Variants in UBN1 observed in about 807,000 individuals in gnomAD.
UBN1 encodes ubinuclein 1, also known as ubinuclein-1.
A neutral mutation model predicts 108.5 loss-of-function variants in UBN1; 17 were observed. That is an observed-to-expected ratio of 0.16 (90% CI 0.11 to 0.24). UBN1 has a LOEUF of 0.24. Among genes scored for constraint, UBN1 ranks in the 10% least tolerant of loss-of-function variants. The pLI, the probability that UBN1 is intolerant of heterozygous loss-of-function variation, is 1.00. For missense variants in UBN1, 1,595 were observed against 1,394.4 expected (o/e 1.14, Z -2.29); for synonymous variants, 726 against 564.2 (o/e 1.29, Z -4.07).
chr16:4,873,727 C>T (rs1043774689), intron 14 of UBN1, among the ~76,000 whole-genome samples: 1 of 152,118 alleles, frequency 6.6e-6, no homozygotes, highest in Admixed American at 6.6e-5. Context: ...AGGATTAGAC[C>T]CCATTCCTGT....
At chr16:4,867,243 G>T (rs141701127) in intron 7 of UBN1, among the ~76,000 whole-genome samples, 1 of 152,268 alleles carries the variant, frequency 6.6e-6, no homozygotes, top group East Asian at 1.9e-4. Context: ...CAGTGGGTCT[G>T]GTGTAAGTTG....
rs771941956 is a variant in UBN1 at position 4,875,428 on chromosome 16, C to T, written c.3018C>T (p.Ser1006=). 6.2e-7 allele frequency: 1 copy of T among 1,607,980 alleles called. No individual in the cohort carries two copies. Among genetic ancestry groups the T allele is most frequent in the Non-Finnish European group, 8.5e-7 (1 of 1,175,782 alleles). The part of the protein sequence containing the change: ...SAVSSVTSST[S]LSKGASGTVL... The stretch of plus-strand genomic sequence containing the variant: ...TTAGTAGTGTGACATCGTCTACCTC[C>T]TTGTCAGTGAGTATCTGTCATAGCA... Residue 1006 remains serine, a synonymous_variant, in exon 15 of 18, where the codon TCC becomes TCT. Coordinates refer to ENST00000262376, the MANE Select transcript of UBN1 (RefSeq NM_001079514.3).
rs1171519942 is a variant in UBN1, at chr16:4,847,972, C to CCG, written c.-277_-276dup. 6.5e-6 allele frequency: 1 copy of CCG among 152,914 alleles called. No homozygotes were observed. Among genetic ancestry groups the CCG allele is most frequent in the Non-Finnish European group, 1.5e-5 (1 of 68,624 alleles). 9.5% of individuals were successfully genotyped at this position (152,914 alleles called of 1,614,324 possible). On this transcript the variant is annotated 5_prime_UTR_variant, in exon 1 of 18. Transcript: ENST00000262376. ...CTGCTCCCCCGACCCCCTGGTGTCC[C>CCG]CGGAGTGGCTGCGCGGACGTCGAGT...
intron 1 of UBN1, 51 bp from the exon 2 acceptor site, chr16:4,852,828 A>G: frequency 6.8e-7 from 1 of 1,472,068 alleles, no homozygotes; most frequent in Admixed American, 2.3e-5. Flanking sequence ...TAGGCAGGTA[A>G]ACTATTTTAT....
chr16:4,874,175 A>T (rs1434075145), intron 14 of UBN1, 36 bp from the exon 15 acceptor site: 3 of 1,512,906 alleles, frequency 2.0e-6, no homozygotes, highest in Non-Finnish European at 2.6e-6. Context: ...GCATCTTTGG[A>T]CCTTTCTAAA....
At chr16:4,849,351 A>C (rs2086410448) in intron 1 of UBN1, among the ~76,000 whole-genome samples, 1 of 152,186 alleles carries the variant, frequency 6.6e-6, no homozygotes, top group African/African-American at 2.4e-5. Context: ...TTGAAAACAA[A>C]AACAAAAACC....
At chr16:4,879,976 G>C (rs2088030081) in intron 17 of UBN1, 107 bp from the exon 18 acceptor site, 1 of 1,199,556 alleles carries the variant, frequency 8.3e-7, no homozygotes, top group Non-Finnish European at 1.2e-6. Context: ...TCAGCATTTG[G>C]GGACTTTTGC....
chr16:4,857,885 G>A, intron 2 of UBN1, 105 bp from the exon 3 acceptor site: 2 of 823,812 alleles, frequency 2.4e-6, no homozygotes, highest in Non-Finnish European at 3.9e-6. Flanking sequence ...CCCTTTTCTG[G>A]AAAACATTGT....
chr16:4,864,077 T>C (rs1161674918), intron 7 of UBN1, among the ~76,000 whole-genome samples: 2 of 75,944 alleles, frequency 2.6e-5, no homozygotes, highest in African/African-American at 9.9e-5. Context: ...GTTGTTGCCT[T>C]TTTTTTTTTT....
In UBN1 at chr16:4,877,570, G is replaced by C; in HGVS notation, c.3355+96G>C. The C allele has an allele frequency of 6.8e-7, 1 of 1,465,990 alleles. No individual in the cohort carries two copies. Among genetic ancestry groups the C allele is most frequent in the South Asian group, 1.4e-5 (1 of 70,778 alleles). The allele number at this position is 1,465,990 out of a possible 1,614,324, so 90.8% of individuals were successfully genotyped here. On this transcript the variant is annotated intron_variant, in intron 17 of 17. Transcript: ENST00000262376. The surrounding 1 kb of genome is among the most constrained non-coding windows in gnomAD (Gnocchi z 4.3). ...CGCTGCCAAGGGTCTTGGTGTCTTTGCCTTGACGCTGTTGTTGTTTTGGTT... is the reference window on the plus strand; with the variant it reads ...CGCTGCCAAGGGTCTTGGTGTCTTTCCCTTGACGCTGTTGTTGTTTTGGTT...
chr16:4,872,749 G>A (rs975488820), intron 12 of UBN1, 135 bp from the exon 13 acceptor site: 70 of 1,019,932 alleles, frequency 6.9e-5, no homozygotes, highest in South Asian at 5.5e-4. Context: ...GATTACAGGC[G>A]TGAGCCACTG....
At chr16:4,863,339 C>G (rs576698635) in intron 7 of UBN1, among the ~76,000 whole-genome samples, 1 of 152,094 alleles carries the variant, frequency 6.6e-6, no homozygotes, top group African/African-American at 2.4e-5. Context: ...ACTTGGAGTC[C>G]CTGCATGTGT....
chr16:4,851,971 A>G (rs1327627732), intron 1 of UBN1, among the ~76,000 whole-genome samples: 1 of 152,266 alleles, frequency 6.6e-6, no homozygotes, highest in Non-Finnish European at 1.5e-5. Flanking sequence ...TATAATATCA[A>G]GAGCGCTTAC....
intron 5 of UBN1, 129 bp downstream of exon 5, chr16:4,859,288 C>T (rs2086946796): frequency 7.6e-7 from 1 of 1,317,340 alleles, no homozygotes. Flanking sequence ...AGAGCCGTGC[C>T]AGGTTGATGG....
chr16:4,864,151 G>T (rs2087208373), intron 7 of UBN1, among the ~76,000 whole-genome samples: 1 of 136,674 alleles, frequency 7.3e-6, no homozygotes, highest in African/African-American at 2.8e-5. Flanking sequence ...TGCAATCTCA[G>T]CTCACTGCAA....
rs2087930057 is a variant in UBN1 at position 4,877,318 on chromosome 16, G to A, written c.3266-67G>A. 6.4e-7 allele frequency: 1 copy of A among 1,559,192 alleles called. No homozygotes were observed. Among genetic ancestry groups the A allele is most frequent in the African/African-American group, 1.4e-5 (1 of 73,616 alleles). On this transcript the variant is annotated intron_variant, in intron 16 of 17. Transcript: ENST00000262376. This position sits in a 1 kb window ranked among gnomAD's most constrained non-coding sequence, Gnocchi z 4.3. Reference sequence around the variant, plus strand: ...TTATCGGGGGCTTTTGGCTGCTGGAGCTGCTTTCCTGTTCCTGTCTTCAAT... The same window carrying A: ...TTATCGGGGGCTTTTGGCTGCTGGAACTGCTTTCCTGTTCCTGTCTTCAAT...
rs146980069 is a variant in UBN1, at chr16:4,870,442, G to A, written c.1312-74G>A. The A allele has an allele frequency of 1.8e-4, 297 of 1,610,440 alleles. 1 individual carries two copies. The African/African-American group carries it at 2.7e-3, about 15-fold the overall frequency. On this transcript the variant is annotated intron_variant, in intron 9 of 17. Coordinates refer to ENST00000262376, the MANE Select transcript of UBN1 (RefSeq NM_001079514.3). ...GTCTGCTGCCCCACTGCCTCCTTGT[G>A]ATCACCCCATCATGCGTCCTGAGCG...
chr16:4,876,994 C>G lies in UBN1; in HGVS notation c.3148C>G (p.Pro1050Ala). The change falls in exon 16 of 18, where the codon CCT (proline) becomes GCT (alanine). Residue 1050 changes from proline (P) to alanine (A), a missense_variant. Physicochemically the swap from Pro to Ala is conservative, Grantham distance 27. Around this residue, in one of 3 missense-constraint regions of UBN1, gnomAD observed 1,398 missense variants for 1,194.7 expected, o/e 1.17. Coordinates refer to ENST00000262376, the MANE Select transcript of UBN1 (RefSeq NM_001079514.3). Reference sequence around the variant, plus strand: ...CTCCTTGGGAATTATAACCCCTGTCCCTATTCCTGTCCATGTGCTCTCCTT... The same window carrying G: ...CTCCTTGGGAATTATAACCCCTGTCGCTATTCCTGTCCATGTGCTCTCCTT... ...SNSLGIITPV[P>A]IPVHVLSFSA... 6.2e-7 allele frequency: 1 copy of G among 1,614,198 alleles called. No individual in the cohort carries two copies. The highest frequency in any genetic ancestry group is 1.1e-5 in the South Asian group (1 of 91,088).
chr16:4,858,491 GC>G, intron 3 of UBN1, 76 bp from the exon 4 acceptor site: 1 of 1,322,672 alleles, frequency 7.6e-7, no homozygotes, highest in Non-Finnish European at 1.1e-6. Flanking sequence ...TTGAGTCATA[GC>G]TGATGAAGTT....
Sources: gnomAD v4.1 joint callset for allele counts (sites outside exome capture counted in the v4.1 genomes callset) on GRCh38, gnomAD v4.1.1 for gene constraint, gnomAD v4.1.1 regional missense constraint, Gnocchi (gnomAD v3.1) non-coding constraint, MANE v1.5 for transcripts, NCBI Gene and HGNC (gene_info 2026-07-23, HGNC 2026-07-21) for gene names.